The following MCCC1 variants were observed in gnomAD, a reference collection of about 807,000 sequenced individuals.
MCCC1 encodes the protein methylcrotonyl-CoA carboxylase subunit 1, also known as methylcrotonoyl-CoA carboxylase subunit alpha, mitochondrial.
MCCC1 carries 64 observed loss-of-function variants against 83.8 expected under a neutral mutation model. The ratio of observed to expected loss-of-function variants is 0.76; its 90% confidence interval spans 0.62 to 0.94. MCCC1 has a LOEUF of 0.94. MCCC1 is among the 40% of genes least tolerant of loss of function. The probability of loss-of-function intolerance (pLI) is 0.00; values close to 1 mark genes in which losing one functional copy is unlikely to be tolerated. For synonymous variants in MCCC1, 322 were observed against 315.4 expected, an observed-to-expected ratio of 1.02 and a Z score of -0.22; for missense variants, 807 against 904.7, an observed-to-expected ratio of 0.89 and a Z score of 1.39.
intron 4 of MCCC1, among the ~76,000 whole-genome samples, chr3:183,083,061 T>C (rs1717630397): frequency 2.0e-5 from 3 of 152,124 alleles, no homozygotes; most frequent in Admixed American, 2.0e-4. Context: ...TCACCAGACA[T>C]CACCAGAAAT....
chr3:183,039,179 A>T, intron 11 of MCCC1, 44 bp from the exon 12 acceptor site: 1 of 1,555,102 alleles, frequency 6.4e-7, no homozygotes, highest in Non-Finnish European at 8.9e-7. Context: ...CAAAACACGA[A>T]GGAATAAAAT....
chr3:183,108,532 C>A (rs548597840), intron 1 of MCCC1, among the ~76,000 whole-genome samples: 2 of 152,292 alleles, frequency 1.3e-5, no homozygotes, highest in Admixed American at 1.3e-4. Flanking sequence ...TTCTCCACCA[C>A]TCCTTCTCAA....
At chr3:183,096,436 G>C (rs1397838116) in intron 1 of MCCC1, among the ~76,000 whole-genome samples, 4 of 152,160 alleles carry the variant, frequency 2.6e-5, no homozygotes, top group South Asian at 4.1e-4. Flanking sequence ...GGAAGATGTG[G>C]TTATAAAGGA....
intron 7 of MCCC1, among the ~76,000 whole-genome samples, chr3:183,062,406 G>T (rs538572433): frequency 1.4e-5 from 2 of 142,306 alleles, no homozygotes; most frequent in East Asian, 2.1e-4. Flanking sequence ...CCAGGCTGGA[G>T]TGTAGTGGTG....
At chr3:183,099,244 G>C in intron 1 of MCCC1, 108 bp downstream of exon 1, 1 of 1,327,584 alleles carries the variant, frequency 7.5e-7, no homozygotes, top group South Asian at 1.3e-5. Context: ...TTTTCCTACC[G>C]TCCTCCCCAC....
chr3:183,063,217 C>T (rs1233851933), intron 7 of MCCC1, among the ~76,000 whole-genome samples: 1 of 151,676 alleles, frequency 6.6e-6, no homozygotes, highest in Non-Finnish European at 1.5e-5. Context: ...CTCCTGACCT[C>T]GTGATCTGCC....
chr3:183,106,533 C>T (rs1719410068), intron 1 of MCCC1, among the ~76,000 whole-genome samples: 1 of 142,184 alleles, frequency 7.0e-6, no homozygotes, highest in Non-Finnish European at 1.5e-5. Flanking sequence ...GAGTCTCGCT[C>T]TGTCGCCCAG....
chr3:183,079,287 T>C (rs1717315577), intron 4 of MCCC1, among the ~76,000 whole-genome samples: 1 of 152,146 alleles, frequency 6.6e-6, no homozygotes, highest in African/African-American at 2.4e-5. Context: ...TATAAGCCTG[T>C]AAAATCAAAA....
At position 183,045,479 on chromosome 3, in the gene MCCC1, C is replaced by T. The variant is rs760025462; in HGVS notation, c.1017G>A (p.Arg339=). The T allele has an allele frequency of 1.2e-6, 2 of 1,614,126 alleles. No individual in the cohort carries two copies. The highest frequency in any genetic ancestry group is 3.3e-5 in the Admixed American group (2 of 60,022). The stretch of plus-strand genomic sequence containing the variant: ...CAGTAACAGGATGTTCCACTTGCAG[C>T]CTTGTATTCATCTCCATGAAACAGA... ...HNFCFMEMNT[R]LQVEHPVTEM... is the part of the protein sequence containing the mutation. Residue 339 remains arginine, a synonymous_variant, in exon 10 of 19, where the codon AGG becomes AGA. Coordinates refer to ENST00000265594, the MANE Select transcript of MCCC1 (RefSeq NM_020166.5).
In MCCC1 at chr3:183,015,422, A is replaced by G. The variant is rs758679193; in HGVS notation, c.*16T>C. On this transcript the variant is annotated 3_prime_UTR_variant, in exon 19 of 19. Coordinates refer to ENST00000265594, the MANE Select transcript of MCCC1 (RefSeq NM_020166.5). ...GAGAGAAGACACTACTTAACTGGCCATTTCCTTGCTGGAGTTTATTCCGAT... is the reference window on the plus strand; with the variant it reads ...GAGAGAAGACACTACTTAACTGGCCGTTTCCTTGCTGGAGTTTATTCCGAT... The G allele has an allele frequency of 6.2e-7, 1 of 1,613,876 alleles. No homozygotes were observed.
At chr3:183,055,546 G>A (rs918057651) in intron 8 of MCCC1, among the ~76,000 whole-genome samples, 1 of 152,088 alleles carries the variant, frequency 6.6e-6, no homozygotes, top group African/African-American at 2.4e-5. Context: ...GCATAATTAC[G>A]TATCTTTGTC....
intron 13 of MCCC1, among the ~76,000 whole-genome samples, chr3:183,036,609 G>A (rs892402514): frequency 6.7e-5 from 10 of 148,162 alleles, no homozygotes; most frequent in South Asian, 4.3e-4. Context: ...GCGCGATCTC[G>A]GTTCACTGCA....
chr3:183,073,474 T>C (rs1368545730), intron 4 of MCCC1, among the ~76,000 whole-genome samples: 1 of 152,204 alleles, frequency 6.6e-6, no homozygotes, highest in African/African-American at 2.4e-5. Flanking sequence ...TGTATTAAAG[T>C]CTACAGGAGT....
chr3:183,024,863 A>C (rs374102340), intron 15 of MCCC1, among the ~76,000 whole-genome samples: 2 of 152,244 alleles, frequency 1.3e-5, no homozygotes, highest in East Asian at 3.9e-4. Flanking sequence ...AGCATTATTC[A>C]CAATAGCCAA....
intron 16 of MCCC1, 87 bp from the exon 17 acceptor site, chr3:183,020,324 G>T: frequency 1.8e-6 from 2 of 1,119,924 alleles, no homozygotes; most frequent in Non-Finnish European, 2.7e-6. Flanking sequence ...TTGTTTCCCA[G>T]CAATTTGTTA....
intron 4 of MCCC1, among the ~76,000 whole-genome samples, chr3:183,074,339 G>A (rs751537299): frequency 1.1e-4 from 17 of 152,062 alleles, no homozygotes; most frequent in Non-Finnish European, 1.5e-4. Flanking sequence ...AAGTAAACAC[G>A]CTGACAGCAA....
chr3:183,065,324 G>C (rs1716174856), intron 7 of MCCC1, among the ~76,000 whole-genome samples: 1 of 152,144 alleles, frequency 6.6e-6, no homozygotes, highest in Non-Finnish European at 1.5e-5. Context: ...CCGGGTTCAG[G>C]ATTCAGTTCC....
chr3:183,099,780 G>T (rs2108578780), upstream of MCCC1, among the ~76,000 whole-genome samples: 1 of 152,286 alleles, frequency 6.6e-6, no homozygotes, highest in South Asian at 2.1e-4. Flanking sequence ...TGCATCCCGT[G>T]GGGTTTCTTC....
chr3:183,032,736 T>C (rs899877058), intron 14 of MCCC1, among the ~76,000 whole-genome samples: 1 of 151,826 alleles, frequency 6.6e-6, no homozygotes, highest in African/African-American at 2.4e-5. Flanking sequence ...TAGCCGGGCG[T>C]GGTGGTGGGT....
Sources: gnomAD v4.1 joint callset for allele counts (sites outside exome capture counted in the v4.1 genomes callset) on GRCh38, gnomAD v4.1.1 for gene constraint, MANE v1.5 for transcripts, NCBI Gene and HGNC (gene_info 2026-07-23, HGNC 2026-07-21) for gene names.